MMP26: variants seen among roughly 807,000 people sequenced by gnomAD.
The protein encoded by MMP26 is matrix metallopeptidase 26, also known as matrix metalloproteinase-26.
MMP26 carries 33 observed loss-of-function variants against 31.0 expected under a neutral mutation model. The observed-to-expected ratio is 1.06, with a 90% confidence interval of 0.81 to 1.42. MMP26 has a LOEUF of 1.42. Among genes scored for constraint, MMP26 ranks in the 40% most tolerant of loss-of-function variants. The probability of loss-of-function intolerance (pLI) is 0.00; values close to 1 mark genes in which losing one functional copy is unlikely to be tolerated. For missense variants in MMP26, 347 were observed against 316.1 expected (o/e 1.10, Z -0.74); for synonymous variants, 122 against 114.9 (o/e 1.06, Z -0.40).
intron 2 of MMP26, chr11:4,770,078 T>C (rs1290202854): frequency 5.1e-6 from 3 of 586,472 alleles, no homozygotes; most frequent in Non-Finnish European, 9.3e-6. Context: ...TTAAATTAAA[T>C]TATAATGTTC....
chr11:4,849,176 A>G (rs893894031), intron 2 of MMP26: 2 of 1,612,874 alleles, frequency 1.2e-6, no homozygotes, highest in East Asian at 2.2e-5. Context: ...AAGTGCTGCT[A>G]TTGGGGGCTA....
intron 2 of MMP26, among the ~76,000 whole-genome samples, chr11:4,967,262 T>C (rs1023906420): frequency 5.3e-5 from 8 of 152,174 alleles, no homozygotes; most frequent in Non-Finnish European, 8.8e-5. Flanking sequence ...AAATTACTCT[T>C]TATATTCAGC....
intron 2 of MMP26, among the ~76,000 whole-genome samples, chr11:4,778,581 G>C (rs1219051887): frequency 2.0e-5 from 3 of 151,908 alleles, no homozygotes; most frequent in African/African-American, 7.2e-5. Flanking sequence ...TTATTCTTTT[G>C]CAGCAGTGCC....
At chr11:4,727,548 G>T (rs995182356) in intron 1 of MMP26, among the ~76,000 whole-genome samples, 1 of 152,164 alleles carries the variant, frequency 6.6e-6, no homozygotes, top group South Asian at 2.1e-4. Flanking sequence ...GGTGGCTCAT[G>T]CCTGTTATCC....
chr11:4,732,007 C>T (rs1848180175), intron 1 of MMP26, among the ~76,000 whole-genome samples: 1 of 152,164 alleles, frequency 6.6e-6, no homozygotes, highest in African/African-American at 2.4e-5. Flanking sequence ...AAACCACCCA[C>T]ATTCATTCTT....
At chr11:4,868,430 A>G (rs1201723246) in intron 2 of MMP26, among the ~76,000 whole-genome samples, 1 of 152,150 alleles carries the variant, frequency 6.6e-6, no homozygotes, top group African/African-American at 2.4e-5. Flanking sequence ...AATAACAGAC[A>G]AACAGAGAGC....
rs144108922 is a variant in MMP26 at position 4,867,904 on chromosome 11, A to G, written c.-145+100563A>G. ...ATCCCATTACTGGGTATATACCTAA[A>G]AGAATAAAAATTGTTCTATTGTAAA... On this transcript the variant is annotated intron_variant, in intron 2 of 7. Transcript: ENST00000380390. Among the ~76,000 whole-genome samples, 98 of 152,254 alleles carry G rather than the reference A, an allele frequency of 6.4e-4. 1 individual carries two copies. Among genetic ancestry groups the G allele is most frequent in the Middle Eastern group, 3.4e-3 (1 of 294 alleles).
At chr11:4,782,166 G>T (rs943966184) in intron 2 of MMP26, among the ~76,000 whole-genome samples, 1 of 152,184 alleles carries the variant, frequency 6.6e-6, no homozygotes, top group Non-Finnish European at 1.5e-5. Context: ...CGAACAGTTT[G>T]AGGGCTCAGA....
chr11:4,894,628 A>G (rs896797973), intron 2 of MMP26, among the ~76,000 whole-genome samples: 4 of 152,176 alleles, frequency 2.6e-5, no homozygotes, highest in African/African-American at 9.6e-5. Flanking sequence ...AAAAATGTCC[A>G]TAATGATTGT....
At chr11:4,750,565 T>A (rs144934895) in intron 1 of MMP26, among the ~76,000 whole-genome samples, 1 of 152,154 alleles carries the variant, frequency 6.6e-6, no homozygotes, top group Non-Finnish European at 1.5e-5. Flanking sequence ...GTGGTGAGTG[T>A]ATACCATGGA....
At chr11:4,898,012 G>A (rs1235276743) in intron 2 of MMP26, among the ~76,000 whole-genome samples, 1 of 149,456 alleles carries the variant, frequency 6.7e-6, no homozygotes, top group African/African-American at 2.4e-5. Context: ...TCACCCCTTT[G>A]TCATTTTTTA....
At chr11:4,893,090 G>A (rs1850651043) in intron 2 of MMP26, among the ~76,000 whole-genome samples, 1 of 151,936 alleles carries the variant, frequency 6.6e-6, no homozygotes, top group African/African-American at 2.4e-5. Flanking sequence ...CATTGTCAAA[G>A]TCATGTTTAA....
intron 2 of MMP26, chr11:4,848,267 C>G (rs201227813): frequency 1.2e-5 from 20 of 1,611,966 alleles, no homozygotes; most frequent in Middle Eastern, 1.7e-4. Context: ...TCCTGGGCTG[C>G]AACCTGTTGA....
chr11:4,714,010 C>A (rs1245340986), intron 1 of MMP26, among the ~76,000 whole-genome samples: 9 of 152,122 alleles, frequency 5.9e-5, no homozygotes, highest in Admixed American at 5.2e-4. Context: ...TTATTAAGAG[C>A]TTTCAGGCAT....
At chr11:4,745,963 C>T (rs1362574598) in intron 1 of MMP26, among the ~76,000 whole-genome samples, 1 of 152,096 alleles carries the variant, frequency 6.6e-6, no homozygotes, top group Non-Finnish European at 1.5e-5. Context: ...ATAATATTCC[C>T]TGGTAGAGAT....
chr11:4,790,456 G>T (rs1849010908), intron 2 of MMP26, among the ~76,000 whole-genome samples: 1 of 152,142 alleles, frequency 6.6e-6, no homozygotes. Context: ...ATTTCACTCT[G>T]GGATTCAATT....
intron 1 of MMP26, among the ~76,000 whole-genome samples, chr11:4,732,858 A>ATTT (rs1848191443): frequency 6.6e-6 from 1 of 152,164 alleles, no homozygotes; most frequent in Admixed American, 6.5e-5. Flanking sequence ...TTGTATATTC[A>ATTT]TTTTTTAGTT....
At chr11:4,967,069 T>C (rs73388961) in intron 2 of MMP26, among the ~76,000 whole-genome samples, 3,203 of 152,294 alleles carry the variant, frequency 0.021, 92 homozygotes, top group African/African-American at 0.073. Context: ...CTTTGAAGTT[T>C]ATAACAAGTT....
intron 2 of MMP26, among the ~76,000 whole-genome samples, chr11:4,857,388 G>A (rs926100905): frequency 4.6e-5 from 7 of 151,794 alleles, no homozygotes; most frequent in South Asian, 2.1e-4. Context: ...AATGATAAAG[G>A]GGATATCACC....
Sources: allele counts gnomAD v4.1 joint callset (sites outside exome capture counted in the v4.1 genomes callset), GRCh38; gene constraint gnomAD v4.1.1; transcripts MANE v1.5; gene names NCBI Gene and HGNC (gene_info 2026-07-23, HGNC 2026-07-21).